Variants in SDSL observed in about 807,000 individuals in gnomAD.
SDSL encodes serine dehydratase like, also known as serine dehydratase-like.
A neutral mutation model predicts 27.6 loss-of-function variants in SDSL; 26 were observed. The observed-to-expected ratio is 0.94, with a 90% CI of 0.69 to 1.31. SDSL has a LOEUF of 1.31. Ranked by LOEUF, SDSL falls within the 50% of genes most tolerant of loss-of-function variation. The pLI, the probability that SDSL is intolerant of heterozygous loss-of-function variation, is 0.00. For missense variants in SDSL, 431 were observed against 423.5 expected (o/e 1.02, Z -0.16); for synonymous variants, 196 against 180.6 (o/e 1.09, Z -0.69).
chr12:113,434,193 T>G lies in SDSL; in HGVS notation c.414T>G (p.Asn138Lys). 6.2e-7 allele frequency: 1 copy of G among 1,613,530 alleles called. No individual in the cohort carries two copies. Among genetic ancestry groups the G allele is most frequent in the Non-Finnish European group, 8.5e-7 (1 of 1,179,668 alleles). Residue 138 changes from asparagine (N) to lysine (K), a missense_variant, in exon 5 of 8, where the codon AAT becomes AAG. Transcript: ENST00000403593. ...QELAKRDGWE[N>K]VPPFDHPLIW... ...TGGCCAAGAGGGACGGCTGGGAGAA[T>G]GTCCCCCCGTTTGACCACCCCCTAA...
intron 1 of SDSL, among the ~76,000 whole-genome samples, chr12:113,423,191 G>A (rs1205443164): frequency 6.6e-6 from 1 of 152,192 alleles, no homozygotes; most frequent in Non-Finnish European, 1.5e-5. Context: ...GGGAAGCCTG[G>A]AAACTGAGCC....
At chr12:113,426,281 T>TC (rs1450101441) in intron 1 of SDSL, 2 of 455,390 alleles carry the variant, frequency 4.4e-6, no homozygotes, top group Admixed American at 2.4e-5. Context: ...ATTTCAAAGT[T>TC]CCCCTTTCAA....
At chr12:113,428,633 A>G (rs553807111) in intron 3 of SDSL, among the ~76,000 whole-genome samples, 174 bp downstream of exon 3, 2 of 152,230 alleles carry the variant, frequency 1.3e-5, no homozygotes, top group East Asian at 1.9e-4. Context: ...TTCAGGACTC[A>G]TGATGGTAGC....
intron 5 of SDSL, 109 bp from the exon 6 acceptor site, chr12:113,435,220 G>A (rs1957973004): frequency 3.0e-6 from 2 of 666,792 alleles, no homozygotes; most frequent in South Asian, 4.0e-5. Context: ...AGGGGTTTAT[G>A]TATATGAGGG....
intron 3 of SDSL, 43 bp from the exon 4 acceptor site, chr12:113,429,117 C>A: frequency 6.3e-7 from 1 of 1,581,994 alleles, no homozygotes; most frequent in Non-Finnish European, 8.6e-7. Context: ...ATATCAAAGG[C>A]CAATCAGCTC....
At chr12:113,434,290 A>T in intron 5 of SDSL, 68 bp downstream of exon 5, 1 of 1,245,084 alleles carries the variant, frequency 8.0e-7, no homozygotes, top group Admixed American at 2.1e-5. Context: ...GGGTCCTCCC[A>T]TTGGGCAGAA....
At chr12:113,430,288 T>C (rs1035936506) in intron 4 of SDSL, among the ~76,000 whole-genome samples, 4 of 152,150 alleles carry the variant, frequency 2.6e-5, no homozygotes, top group African/African-American at 9.7e-5. Flanking sequence ...AACCAGATGA[T>C]GGTAACAAAG....
At chr12:113,434,885 C>T (rs1366337435) in intron 5 of SDSL, among the ~76,000 whole-genome samples, 2 of 152,174 alleles carry the variant, frequency 1.3e-5, no homozygotes, top group East Asian at 1.9e-4. Flanking sequence ...GAGGCCGAGG[C>T]GGGTGGATCA....
Position 113,428,407 on chromosome 12 carries a change from C to T in SDSL, c.175-13C>T. 3 of 1,610,876 alleles carry T rather than the reference C, an allele frequency of 1.9e-6. No homozygotes were observed. The highest frequency in any genetic ancestry group is 2.5e-6 in the Non-Finnish European group (3 of 1,178,922). ...CTTGGGTTAGCCGCTAACCCCATTC[C>T]TTCTCTTCCCAGATGGCCAAGAAGG... On this transcript the variant is annotated splice_polypyrimidine_tract_variant and intron_variant, in intron 2 of 7. Transcript: ENST00000403593.
chr12:113,437,900 C>T lies in SDSL; in HGVS notation c.811C>T (p.Leu271=), dbSNP rs980242701. 6.2e-7 allele frequency: 1 copy of T among 1,607,506 alleles called. No homozygotes were observed. The highest frequency in any genetic ancestry group is 1.1e-5 in the South Asian group (1 of 90,160). ...GATCCTGGCAGATGATGAGCGTATG[C>T]TGGTGGAGCCTGCCTGTGGGGCAGC... ...VQQLLDDERM[L]VEPACGAALA... The change falls in exon 8 of 8, where the codon CTG becomes TTG. Residue 271 remains leucine, a synonymous_variant. Transcript: ENST00000403593.
intron 4 of SDSL, among the ~76,000 whole-genome samples, chr12:113,432,246 T>C (rs1270542948): frequency 7.2e-6 from 1 of 139,552 alleles, no homozygotes; most frequent in African/African-American, 2.8e-5. Flanking sequence ...CTTTCTTTCT[T>C]TCTTTCTTTC....
At chr12:113,435,911 G>T (rs142577815) in intron 6 of SDSL, among the ~76,000 whole-genome samples, 2 of 152,198 alleles carry the variant, frequency 1.3e-5, no homozygotes, top group African/African-American at 4.8e-5. Flanking sequence ...GAGGTCAGGA[G>T]TTTGAGACCG....
At chr12:113,424,978 C>T (rs1267123467) in intron 1 of SDSL, among the ~76,000 whole-genome samples, 2 of 152,144 alleles carry the variant, frequency 1.3e-5, no homozygotes, top group African/African-American at 4.8e-5. Context: ...TCAAGGGATC[C>T]ACCCGCCTCA....
At chr12:113,426,575 T>G (rs1186706135) in intron 1 of SDSL, among the ~76,000 whole-genome samples, 1 of 152,202 alleles carries the variant, frequency 6.6e-6, no homozygotes, top group Non-Finnish European at 1.5e-5. Context: ...TAGCCCACTT[T>G]AAGTATAGAA....
intron 7 of SDSL, among the ~76,000 whole-genome samples, 197 bp from the exon 8 acceptor site, chr12:113,437,689 A>G (rs938384991): frequency 2.0e-5 from 3 of 152,160 alleles, no homozygotes; most frequent in Admixed American, 6.5e-5. Context: ...GAGAGATAAA[A>G]GGTGGATGGT....
intron 1 of SDSL, chr12:113,426,342 C>A: frequency 2.3e-6 from 1 of 435,684 alleles, no homozygotes; most frequent in Non-Finnish European, 4.7e-6. Flanking sequence ...AATCAAAATG[C>A]ACGGATCTGA....
chr12:113,436,157 A>C (rs1223798438), intron 6 of SDSL, among the ~76,000 whole-genome samples: 1 of 152,044 alleles, frequency 6.6e-6, no homozygotes. Flanking sequence ...AAAGCCAATA[A>C]ATTTTAAAAA....
intron 4 of SDSL, among the ~76,000 whole-genome samples, chr12:113,432,232 CTTTCT>C: frequency 1.0e-5 from 1 of 96,732 alleles, no homozygotes; most frequent in African/African-American, 3.9e-5. Flanking sequence ...TTCTTTCTTT[CTTTCT>C]TTCTTTCTTT....
chr12:113,435,913 T>A (rs1445026629), intron 6 of SDSL, among the ~76,000 whole-genome samples: 2 of 152,132 alleles, frequency 1.3e-5, no homozygotes, highest in Non-Finnish European at 2.9e-5. Flanking sequence ...GGTCAGGAGT[T>A]TGAGACCGGC....
Sources: gnomAD v4.1 joint callset for allele counts (sites outside exome capture counted in the v4.1 genomes callset) on GRCh38, gnomAD v4.1.1 for gene constraint, MANE v1.5 for transcripts, NCBI Gene and HGNC (gene_info 2026-07-23, HGNC 2026-07-21) for gene names.